Variants in MAST4 observed in about 807,000 individuals in gnomAD.
MAST4 encodes the protein microtubule associated serine/threonine kinase family member 4.
A neutral mutation model predicts 162.7 loss-of-function variants in MAST4; 89 were observed. The observed-to-expected ratio is 0.55, with a 90% CI of 0.46 to 0.65. MAST4 has a LOEUF of 0.65. MAST4 is among the 30% of genes least tolerant of loss of function. MAST4 has a pLI of 0.00. For synonymous variants in MAST4, 1,479 were observed against 1,361.1 expected, an observed-to-expected ratio of 1.09 and a Z score of -1.91; for missense variants, 3,153 against 3,374.0, an observed-to-expected ratio of 0.93 and a Z score of 1.62.
At chr5:67,061,156 C>CTCTG (rs1759531080) in intron 5 of MAST4, among the ~76,000 whole-genome samples, 1 of 136,538 alleles carries the variant, frequency 7.3e-6, no homozygotes, top group Non-Finnish European at 1.5e-5. Context: ...CCTGTATGTA[C>CTCTG]TCTGTGTGTG....
chr5:67,134,828 A>G, intron 18 of MAST4, 140 bp downstream of exon 18: 1 of 666,262 alleles, frequency 1.5e-6, no homozygotes, highest in Non-Finnish European at 2.4e-6. Context: ...TCACTCATCA[A>G]AGCATATAAC....
intron 1 of MAST4, among the ~76,000 whole-genome samples, chr5:66,751,155 T>C (rs1753136361): frequency 6.6e-6 from 1 of 151,876 alleles, no homozygotes; most frequent in Admixed American, 6.6e-5. Flanking sequence ...TACATCACCA[T>C]CATCAAAGAC....
At chr5:66,748,710 G>C (rs1017903269) in intron 1 of MAST4, among the ~76,000 whole-genome samples, 1 of 151,690 alleles carries the variant, frequency 6.6e-6, no homozygotes, top group African/African-American at 2.4e-5. Flanking sequence ...AGATGGTCTC[G>C]ATCTCTTGAC....
At chr5:66,979,064 C>T (rs1164645724) in intron 4 of MAST4, among the ~76,000 whole-genome samples, 1 of 152,056 alleles carries the variant, frequency 6.6e-6, no homozygotes, top group African/African-American at 2.4e-5. Context: ...AGGCTTTTTA[C>T]GCAGATTGGG....
chr5:66,964,311 C>T (rs1024423374), intron 4 of MAST4, among the ~76,000 whole-genome samples: 1 of 152,036 alleles, frequency 6.6e-6, no homozygotes, highest in African/African-American at 2.4e-5. Flanking sequence ...GAGAAATATC[C>T]CCAAGGAACT....
At chr5:67,088,214 G>A (rs556466673) in intron 5 of MAST4, among the ~76,000 whole-genome samples, 6 of 152,224 alleles carry the variant, frequency 3.9e-5, no homozygotes, top group Non-Finnish European at 5.9e-5. Context: ...AGTTGATCAC[G>A]TTGTAATCTC....
chr5:66,807,664 A>G (rs1254258238), intron 3 of MAST4, among the ~76,000 whole-genome samples: 1 of 152,104 alleles, frequency 6.6e-6, no homozygotes, highest in Non-Finnish European at 1.5e-5. Flanking sequence ...TCTGTGCCCC[A>G]CTTTCCCTGC....
intron 5 of MAST4, among the ~76,000 whole-genome samples, chr5:67,062,389 T>C (rs7731837): frequency 0.044 from 6,629 of 151,778 alleles, 418 homozygotes; most frequent in African/African-American, 0.14. Context: ...CAGAGCAAGA[T>C]GGTCCCCAAA....
At chr5:67,020,707 G>A (rs1753865264) in intron 4 of MAST4, among the ~76,000 whole-genome samples, 1 of 152,204 alleles carries the variant, frequency 6.6e-6, no homozygotes, top group Non-Finnish European at 1.5e-5. Context: ...TGTGACCTTG[G>A]CAGGCCATCT....
chr5:67,042,460 G>A (rs542767259), intron 4 of MAST4, among the ~76,000 whole-genome samples: 5 of 152,020 alleles, frequency 3.3e-5, no homozygotes, highest in African/African-American at 9.6e-5. Context: ...ATTAGTGGAT[G>A]TAAATGAGGA....
At position 67,032,664 on chromosome 5, in the gene MAST4, G is replaced by A. The variant is rs545524868; in HGVS notation, c.675-21740G>A. ...TCAGCAGCATAGTCTGGTCTGTCTG[G>A]ATCAGTGGTTTACCTATTTCATATG... On this transcript the variant is annotated intron_variant, in intron 4 of 28. Transcript: ENST00000403625. Among the ~76,000 whole-genome samples, 69 of 152,172 alleles carry A rather than the reference G, an allele frequency of 4.5e-4. No individual in the cohort carries two copies. In the South Asian group the frequency reaches 0.014, roughly 31 times the overall value.
At chr5:67,031,608 C>T (rs1755333907) in intron 4 of MAST4, among the ~76,000 whole-genome samples, 1 of 152,166 alleles carries the variant, frequency 6.6e-6, no homozygotes, top group Non-Finnish European at 1.5e-5. Context: ...TGCGTACAGA[C>T]TTAGTGAAGA....
chr5:66,753,264 A>G (rs548192929), intron 1 of MAST4, among the ~76,000 whole-genome samples: 4 of 152,194 alleles, frequency 2.6e-5, no homozygotes, highest in Non-Finnish European at 5.9e-5. Context: ...GAGCAAACAC[A>G]TTCAAAAGCT....
chr5:67,114,109 A>G lies in MAST4; in HGVS notation c.1481A>G (p.Tyr494Cys). The G allele has an allele frequency of 6.2e-7, 1 of 1,613,806 alleles. No individual in the cohort carries two copies. The highest frequency in any genetic ancestry group is 8.5e-7 in the Non-Finnish European group (1 of 1,179,826). Residue 494 changes from tyrosine to cysteine, a missense_variant, in exon 12 of 29, where the codon TAC (tyrosine) becomes TGC (cysteine). By Grantham distance (194) the Tyr-to-Cys change is radical (BLOSUM62 -2). Transcript: ENST00000403625. ...TAGGAATTTGATCCGGAAGAATTTT[A>G]CTACCTATTGGAAGCAGCAGAAGGC... ...ECLEFDPEEF[Y>C]YLLEAAEGHA... is the part of the protein sequence containing the mutation.
intron 3 of MAST4, among the ~76,000 whole-genome samples, chr5:66,897,125 A>G (rs1038111642): frequency 5.9e-5 from 9 of 152,166 alleles, no homozygotes; most frequent in South Asian, 2.1e-4. Context: ...AACAATTAGC[A>G]TATTGTTTAG....
Position 66,909,191 on chromosome 5 carries a change from C to T in MAST4, c.674+9209C>T, listed in dbSNP as rs141878299. Among the ~76,000 whole-genome samples, 1,220 of 152,198 alleles carry T rather than the reference C, an allele frequency of 8.0e-3. 13 individuals are homozygous for T. Among genetic ancestry groups the T allele is most frequent in the South Asian group, 0.019 (93 of 4,814 alleles). ...GGTGTGAAAGGGGCAGTTGACCCCA[C>T]GTCCTTGGATAGATCTTTCACTTGT... On this transcript the variant is annotated intron_variant, in intron 4 of 28. Transcript: ENST00000403625.
chr5:67,101,007 G>A (rs141153776), intron 8 of MAST4, among the ~76,000 whole-genome samples: 5 of 152,216 alleles, frequency 3.3e-5, no homozygotes, highest in Middle Eastern at 3.4e-3. Flanking sequence ...TCTTCCCATC[G>A]TAAGTCTTAC....
At chr5:66,656,503 A>G (rs1746558123) in intron 1 of MAST4, among the ~76,000 whole-genome samples, 1 of 152,146 alleles carries the variant, frequency 6.6e-6, no homozygotes, top group Non-Finnish European at 1.5e-5. Flanking sequence ...TGTCTCACCC[A>G]TCAGTCACAG....
chr5:66,600,685 T>C (rs1477573419), intron 1 of MAST4, among the ~76,000 whole-genome samples: 1 of 152,222 alleles, frequency 6.6e-6, no homozygotes, highest in Non-Finnish European at 1.5e-5. Flanking sequence ...AGATCTCTTA[T>C]CAAGAGAAAC....
Sources: gnomAD v4.1 joint callset for allele counts (sites outside exome capture counted in the v4.1 genomes callset) on GRCh38, gnomAD v4.1.1 for gene constraint, MANE v1.5 for transcripts, NCBI Gene and HGNC (gene_info 2026-07-23, HGNC 2026-07-21) for gene names.